Variants in EME1 observed in about 807,000 individuals in gnomAD.
EME1 encodes essential meiotic structure-specific endonuclease 1, also known as structure-specific endonuclease subunit EME1.
A neutral mutation model predicts 59.1 loss-of-function variants in EME1; 61 were observed. That is an observed-to-expected ratio of 1.03 (90% CI 0.84 to 1.28). EME1 has a LOEUF of 1.28. Ranked by LOEUF, EME1 falls within the 50% of genes most tolerant of loss-of-function variation. EME1 has a pLI of 0.00. For synonymous variants in EME1, 230 were observed against 254.2 expected (o/e 0.90, Z 0.90); for missense variants, 635 against 682.6 (o/e 0.93, Z 0.78).
chr17:50,374,938 T>G, intron 1 of EME1: 1 of 308,246 alleles, frequency 3.2e-6, no homozygotes, highest in Non-Finnish European at 6.0e-6. Flanking sequence ...CCTCCCCCCA[T>G]TAAAATTTTG....
rs61745952 is a variant in EME1, at chr17:50,380,880, C to T, written c.1654C>T (p.Arg552Cys). ...SRRIGPELSR[R>C]IYLQMTTLQP... ...CCGCATTGGACCAGAACTATCCAGG[C>T]GTATCTACCTTCAGATGACCACTTT... The change falls in exon 9 of 9, where the codon CGT (arginine) becomes TGT (cysteine). Residue 552 changes from arginine to cysteine, a missense_variant. Arg to Cys is a radical substitution (Grantham distance 180, BLOSUM62 -3). Transcript: ENST00000338165. The T allele has an allele frequency of 1.4e-3, 2,266 of 1,614,118 alleles. 32 individuals are homozygous for T. In the African/African-American group the frequency reaches 0.024, roughly 17 times the overall value.
Position 50,375,612 on chromosome 17 carries a change from G to A in EME1, c.404G>A (p.Trp135Ter). Residue 135 changes from tryptophan to a stop codon, truncating the protein, a stop_gained, in exon 2 of 9, where the codon TGG (tryptophan) becomes TAG (stop). Coordinates refer to ENST00000338165, the MANE Select transcript of EME1 (RefSeq NM_152463.4). LOFTEE classifies it high-confidence loss of function. ...AATAATGAAGGTGCATCATGTGACT[G>A]GAAAAAGCCCTTTCCAAAGATCCCT... ...HQNNEGASCD[W>*]KKPFPKIPEV... The A allele has an allele frequency of 6.4e-7, 1 of 1,568,456 alleles. No individual in the cohort carries two copies. Among genetic ancestry groups the A allele is most frequent in the Non-Finnish European group, 8.6e-7 (1 of 1,164,532 alleles).
chr17:50,378,622 A>G lies in EME1; in HGVS notation c.931A>G (p.Thr311Ala), dbSNP rs573673726. 6.2e-7 allele frequency: 1 copy of G among 1,613,980 alleles called. No homozygotes were observed. The highest frequency in any genetic ancestry group is 2.2e-5 in the East Asian group (1 of 44,874). The stretch of plus-strand genomic sequence containing the variant: ...CAGAGAGGACTGGGTGGAGGAGCCA[A>G]CAGTACTGGTGTTGCTCCGGGCAGA... Reference protein sequence around the residue: ...EDREDWVEEPTVLVLLRAEAF... With the variant: ...EDREDWVEEPAVLVLLRAEAF... Residue 311 changes from threonine to alanine, a missense_variant, in exon 4 of 9, where the codon ACA becomes GCA. Transcript: ENST00000338165.
rs7222520 is a variant in EME1, at chr17:50,378,822, G to C, written c.1039G>C (p.Val347Leu). The C allele has an allele frequency of 1.2e-6, 2 of 1,614,188 alleles. No individual in the cohort carries two copies. Among genetic ancestry groups the C allele is most frequent in the South Asian group, 2.2e-5 (2 of 91,092 alleles). The change falls in exon 5 of 9, where the codon GTA becomes CTA. Residue 347 changes from valine (V) to leucine (L), a missense_variant. Physicochemically the swap from Val to Leu is conservative, Grantham distance 32. Coordinates refer to ENST00000338165, the MANE Select transcript of EME1 (RefSeq NM_152463.4). ...AGGGAAGGAAACGCTTCAGGGCTTT[G>C]TAACTGACATCACAGCAAAGACAGC... is the stretch of plus-strand genomic sequence containing the variant. ...MKGKETLQGF[V>L]TDITAKTAGK...
At position 50,380,379 on chromosome 17, in the gene EME1, G is replaced by A; in HGVS notation, c.1414G>A (p.Asp472Asn). 1 of 1,614,100 alleles carries A rather than the reference G, an allele frequency of 6.2e-7. No homozygotes were observed. Among genetic ancestry groups the A allele is most frequent in the African/African-American group, 1.3e-5 (1 of 75,042 alleles). The change falls in exon 8 of 9, where the codon GAC (aspartate) becomes AAC (asparagine). Residue 472 changes from aspartate to asparagine, a missense_variant. Coordinates refer to ENST00000338165, the MANE Select transcript of EME1 (RefSeq NM_152463.4). Reference protein sequence around the residue: ...ESDWAGGVKVDLAGRGLALVW... With the variant: ...ESDWAGGVKVNLAGRGLALVW... ...TGACTGGGCTGGAGGGGTGAAGGTGGACCTTGCTGGCAGGGGACTCGCACT... is the reference window on the plus strand; with the variant it reads ...TGACTGGGCTGGAGGGGTGAAGGTGAACCTTGCTGGCAGGGGACTCGCACT...
chr17:50,380,352 A>G lies in EME1; in HGVS notation c.1387A>G (p.Ser463Gly). The G allele has an allele frequency of 6.2e-7, 1 of 1,613,370 alleles. No homozygotes were observed. Among genetic ancestry groups the G allele is most frequent in the Non-Finnish European group, 8.5e-7 (1 of 1,179,714 alleles). Reference protein sequence around the residue: ...DETTFSFCLESDWAGGVKVDL... With the variant: ...DETTFSFCLEGDWAGGVKVDL... Reference sequence around the variant, plus strand: ...AACTACCTTCTCCTTCTGTCTGGAGAGTGACTGGGCTGGAGGGGTGAAGGT... The same window carrying G: ...AACTACCTTCTCCTTCTGTCTGGAGGGTGACTGGGCTGGAGGGGTGAAGGT... The change falls in exon 8 of 9, where the codon AGT becomes GGT. Residue 463 changes from serine to glycine, a missense_variant. Transcript: ENST00000338165.
At chr17:50,380,184 A>G (rs1458497695) in intron 7 of EME1, 128 bp from the exon 8 acceptor site, 1 of 937,380 alleles carries the variant, frequency 1.1e-6, no homozygotes, top group Non-Finnish European at 1.6e-6. Flanking sequence ...CAAAGGCACA[A>G]AAAGGCCAGA....
At chr17:50,376,555 A>G (rs537868099) in intron 3 of EME1, among the ~76,000 whole-genome samples, 1 of 152,356 alleles carries the variant, frequency 6.6e-6, no homozygotes, top group East Asian at 1.9e-4. Flanking sequence ...CCTCTCAGTC[A>G]TGACAATAAA....
At chr17:50,380,081 T>C in intron 7 of EME1, 1 of 472,644 alleles carries the variant, frequency 2.1e-6, no homozygotes, top group East Asian at 3.8e-5. Context: ...AAGAATCTGG[T>C]ATCTTTTCTT....
In EME1 at chr17:50,380,815, T is replaced by G; in HGVS notation, c.1589T>G (p.Ile530Arg). The stretch of plus-strand genomic sequence containing the variant: ...GAACGCCAGAATTTGCTCGCAGACA[T>G]ACAGGTGCGCCGTGGGGAAGGTGTG... Reference protein sequence around the residue: ...DKERQNLLADIQVRRGEGVTS... With the variant: ...DKERQNLLADRQVRRGEGVTS... The change falls in exon 9 of 9, where the codon ATA (isoleucine) becomes AGA (arginine). Residue 530 changes from isoleucine (I) to arginine (R), a missense_variant. Ile to Arg is a moderately conservative substitution (Grantham distance 97). Transcript: ENST00000338165. 1 of 1,614,176 alleles carries G rather than the reference T, an allele frequency of 6.2e-7. No homozygotes were observed. The highest frequency in any genetic ancestry group is 8.5e-7 in the Non-Finnish European group (1 of 1,180,042).
At chr17:50,380,564 T>C in intron 8 of EME1, 63 bp downstream of exon 8, 1 of 1,585,252 alleles carries the variant, frequency 6.3e-7, no homozygotes, top group Non-Finnish European at 8.6e-7. Context: ...GGCCCCCAGA[T>C]TTCCATGGAC....
At position 50,378,588 on chromosome 17, in the gene EME1, T is replaced by C. The variant is rs1278063553; in HGVS notation, c.904-7T>C. The C allele has an allele frequency of 3.1e-6, 5 of 1,613,292 alleles. No individual in the cohort carries two copies. In the South Asian group the frequency reaches 3.3e-5, roughly 11 times the overall value. On this transcript the variant is annotated splice_region_variant and splice_polypyrimidine_tract_variant and intron_variant, in intron 3 of 8. Coordinates refer to ENST00000338165, the MANE Select transcript of EME1 (RefSeq NM_152463.4). ...CTCCCTGTGCTGTGTTCTGGGTACT[T>C]TGGCAGGACAGAGAGGACTGGGTGG...
intron 1 of EME1, chr17:50,374,951 A>G (rs1240455170): frequency 2.9e-6 from 1 of 342,474 alleles, no homozygotes; most frequent in Non-Finnish European, 5.3e-6. Context: ...AAATTTTGTA[A>G]TGGTAACTCT....
At chr17:50,377,176 C>G (rs149888059) in intron 3 of EME1, among the ~76,000 whole-genome samples, 2 of 152,240 alleles carry the variant, frequency 1.3e-5, no homozygotes, top group East Asian at 3.9e-4. Flanking sequence ...GTTCCCCACA[C>G]TTTTTACTCT....
rs1567815630 is a variant in EME1, at chr17:50,376,176, A to G, written c.886A>G (p.Arg296Gly). Residue 296 changes from arginine (R) to glycine (G), a missense_variant, in exon 3 of 9, where the codon AGG becomes GGG. By Grantham distance (125) the Arg-to-Gly change is moderately radical (BLOSUM62 -2). Transcript: ENST00000338165. ...AVPCSVTWRR[R>G]AGPSEDREDW... is the part of the protein sequence containing the mutation. ...GCCTTGCAGTGTCACTTGGAGGAGA[A>G]GGGCTGGGCCGTCTGAGGTAGGAGT... 1.9e-6 allele frequency: 3 copies of G among 1,613,466 alleles called. No individual in the cohort carries two copies. The South Asian group carries it at 3.3e-5, about 18-fold the overall frequency.
chr17:50,380,254 G>T, intron 7 of EME1, 58 bp from the exon 8 acceptor site: 1 of 1,511,622 alleles, frequency 6.6e-7, no homozygotes. Context: ...GCCACTTGAG[G>T]GGAACAGGTG....
At position 50,379,178 on chromosome 17, in the gene EME1, C is replaced by G; in HGVS notation, c.1184C>G (p.Pro395Arg). 1.2e-6 allele frequency: 2 copies of G among 1,614,138 alleles called. No individual in the cohort carries two copies. The highest frequency in any genetic ancestry group is 1.7e-6 in the Non-Finnish European group (2 of 1,180,032). The change falls in exon 6 of 9, where the codon CCA becomes CGA. Residue 395 changes from proline (P) to arginine (R), a missense_variant. Transcript: ENST00000338165. Reference protein sequence around the residue: ...KQTKKQQQRQPEASIGSMVSR... With the variant: ...KQTKKQQQRQREASIGSMVSR... ...ACCAAGAAGCAGCAGCAGAGACAAC[C>G]AGAGGCCAGCATAGGGTCCATGGTA...
Position 50,381,141 on chromosome 17 carries a change from C to G in EME1, c.*202C>G. ...CTGAAATACTGCCACCTACCTTTGG[C>G]ATTTAATGTTCCTCTCCTGGCAAAA... On this transcript the variant is annotated 3_prime_UTR_variant, in exon 9 of 9. Transcript: ENST00000338165. 1 of 614,912 alleles carries G rather than the reference C, an allele frequency of 1.6e-6. No individual in the cohort carries two copies. Among genetic ancestry groups the G allele is most frequent in the Non-Finnish European group, 2.8e-6 (1 of 361,906 alleles). The allele number at this position is 614,912 out of a possible 1,614,324, so 38.1% of individuals were successfully genotyped here.
At position 50,381,407 on chromosome 17, in the gene EME1, T is replaced by A. The variant is rs1323944573; in HGVS notation, c.*468T>A. The A allele has an allele frequency of 5.8e-6, 1 of 171,368 alleles. No homozygotes were observed. The highest frequency in any genetic ancestry group is 2.4e-5 in the African/African-American group (1 of 41,930). The allele number at this position is 171,368 out of a possible 1,614,324, so 10.6% of individuals were successfully genotyped here. On this transcript the variant is annotated 3_prime_UTR_variant, in exon 9 of 9. Coordinates refer to ENST00000338165, the MANE Select transcript of EME1 (RefSeq NM_152463.4). Reference sequence around the variant, plus strand: ...TATGCGGACTTCTATATTGTCTTCATCTCATTGTGTGTATTATGTATTTAG... The same window carrying A: ...TATGCGGACTTCTATATTGTCTTCAACTCATTGTGTGTATTATGTATTTAG...
Sources: allele counts gnomAD v4.1 joint callset (sites outside exome capture counted in the v4.1 genomes callset), GRCh38; gene constraint gnomAD v4.1.1; transcripts MANE v1.5; gene names NCBI Gene and HGNC (gene_info 2026-07-23, HGNC 2026-07-21).